Variants in TAFA1 observed in about 807,000 individuals in gnomAD.
TAFA1 encodes the protein TAFA chemokine like family member 1, also known as chemokine-like protein TAFA-1.
A neutral mutation model predicts 18.5 loss-of-function variants in TAFA1; 4 were observed. The ratio of observed to expected loss-of-function variants is 0.22; its 90% CI spans 0.11 to 0.49. The LOEUF (loss-of-function observed/expected upper bound fraction) is 0.49. Ranked by LOEUF, TAFA1 falls within the 20% of genes least tolerant of loss-of-function variation. The pLI is 0.98. For missense variants in TAFA1, 147 were observed against 169.0 expected (o/e 0.87, Z 0.72); for synonymous variants, 56 against 55.2 (o/e 1.01, Z -0.06).
chr3:68,157,580 C>T (rs146361734), intron 2 of TAFA1, among the ~76,000 whole-genome samples: 163 of 152,320 alleles, frequency 1.1e-3, no homozygotes, highest in African/African-American at 3.7e-3. Context: ...ATGGTCTCAT[C>T]TCCCAGGTTT....
chr3:68,207,179 T>A (rs1232363737), intron 2 of TAFA1, among the ~76,000 whole-genome samples: 4 of 151,908 alleles, frequency 2.6e-5, no homozygotes, highest in African/African-American at 9.7e-5. Flanking sequence ...ATGGAGATAC[T>A]GCTTTCTATT....
intron 2 of TAFA1, among the ~76,000 whole-genome samples, chr3:68,241,035 C>T (rs562639494): frequency 2.1e-4 from 32 of 152,262 alleles, no homozygotes; most frequent in African/African-American, 6.7e-4. Context: ...TGGGGAAAAA[C>T]ACCACTATAG....
intron 3 of TAFA1, among the ~76,000 whole-genome samples, chr3:68,472,530 AC>A (rs576170219): frequency 0.019 from 2,957 of 152,000 alleles, 111 homozygotes; most frequent in African/African-American, 0.068. Flanking sequence ...ACACACACAC[AC>A]ACAAATACAC....
intron 2 of TAFA1, among the ~76,000 whole-genome samples, chr3:68,266,519 C>T (rs1410894901): frequency 1.3e-5 from 2 of 152,066 alleles, no homozygotes; most frequent in East Asian, 1.9e-4. Context: ...AACAGAAACT[C>T]GTTTGATCTT....
At position 68,338,971 on chromosome 3, in the gene TAFA1, C is replaced by T. The variant is rs915981884; in HGVS notation, c.119-78309C>T. Among the ~76,000 whole-genome samples, 6 of 152,172 alleles carry T rather than the reference C, an allele frequency of 3.9e-5. No individual in the cohort carries two copies. The South Asian group carries it at 6.2e-4, about 16-fold the overall frequency. On this transcript the variant is annotated intron_variant, in intron 2 of 4. Coordinates refer to ENST00000478136, the MANE Select transcript of TAFA1 (RefSeq NM_213609.4). ...GGGCAGCATCTTCCTAGGGCATAGT[C>T]GTCTCATGGTCAATAACAAGAAGAC...
intron 2 of TAFA1, among the ~76,000 whole-genome samples, chr3:68,381,599 G>C (rs1169863993): frequency 2.0e-5 from 3 of 152,168 alleles, no homozygotes; most frequent in Non-Finnish European, 4.4e-5. Context: ...AAGAATGCTT[G>C]TGATTTTTGT....
chr3:68,138,891 T>C (rs2065638367), intron 2 of TAFA1, among the ~76,000 whole-genome samples: 1 of 152,196 alleles, frequency 6.6e-6, no homozygotes, highest in Non-Finnish European at 1.5e-5. Flanking sequence ...AGAGTTAGGA[T>C]ATGTTTGACA....
At chr3:68,094,728 T>C (rs553116558) in intron 2 of TAFA1, among the ~76,000 whole-genome samples, 1 of 152,144 alleles carries the variant, frequency 6.6e-6, no homozygotes, top group African/African-American at 2.4e-5. Context: ...AAGTGTAAAA[T>C]AGAGATATGG....
intron 2 of TAFA1, among the ~76,000 whole-genome samples, chr3:68,125,450 C>T (rs2065452673): frequency 6.6e-6 from 1 of 152,198 alleles, no homozygotes; most frequent in Non-Finnish European, 1.5e-5. Flanking sequence ...GAAAGTGAAT[C>T]TCACCACCAA....
At chr3:68,111,363 G>A (rs1445664999) in intron 2 of TAFA1, among the ~76,000 whole-genome samples, 7 of 151,824 alleles carry the variant, frequency 4.6e-5, no homozygotes, top group Non-Finnish European at 1.5e-5. Context: ...CAAAAAGGAG[G>A]GCAAAATAAA....
intron 2 of TAFA1, among the ~76,000 whole-genome samples, chr3:68,282,620 A>C (rs74759781): frequency 4.7e-4 from 72 of 152,294 alleles, no homozygotes; most frequent in African/African-American, 1.7e-3. Flanking sequence ...CAATCCAGGG[A>C]GTGTGTTCTG....
At chr3:68,287,839 A>T (rs2107270306) in intron 2 of TAFA1, among the ~76,000 whole-genome samples, 1 of 141,946 alleles carries the variant, frequency 7.0e-6, no homozygotes, top group Non-Finnish European at 1.5e-5. Flanking sequence ...GCCTGGATTG[A>T]AGAACATTTT....
intron 3 of TAFA1, among the ~76,000 whole-genome samples, chr3:68,538,254 T>C (rs2073308837): frequency 6.6e-6 from 1 of 152,250 alleles, no homozygotes; most frequent in Non-Finnish European, 1.5e-5. Flanking sequence ...TCCAGAACAG[T>C]AGCTGATTAT....
intron 2 of TAFA1, among the ~76,000 whole-genome samples, chr3:68,187,576 A>G (rs1157702174): frequency 6.6e-6 from 1 of 152,000 alleles, no homozygotes; most frequent in Non-Finnish European, 1.5e-5. Context: ...ATCCTCTGTA[A>G]TACTGGTTTT....
chr3:68,340,583 G>A (rs149410810), intron 2 of TAFA1, among the ~76,000 whole-genome samples: 6 of 152,178 alleles, frequency 3.9e-5, no homozygotes, highest in African/African-American at 7.2e-5. Flanking sequence ...TGAGTGATGG[G>A]CACATATTCT....
chr3:68,229,060 G>A (rs1057229519), intron 2 of TAFA1, among the ~76,000 whole-genome samples: 2 of 152,116 alleles, frequency 1.3e-5, no homozygotes, highest in Non-Finnish European at 1.5e-5. Context: ...CATCTGGCTC[G>A]ACTTTTAAAA....
intron 2 of TAFA1, among the ~76,000 whole-genome samples, chr3:68,010,166 G>T (rs1704442856): frequency 6.6e-6 from 1 of 152,210 alleles, no homozygotes. Flanking sequence ...AATGGAAGGA[G>T]AGTGAAAGCT....
intron 2 of TAFA1, among the ~76,000 whole-genome samples, chr3:68,169,591 A>G (rs1035681299): frequency 3.3e-5 from 5 of 152,234 alleles, no homozygotes; most frequent in African/African-American, 9.6e-5. Context: ...GAAGTTCATT[A>G]CTCTGCAATA....
At chr3:68,319,339 C>T (rs954562169) in intron 2 of TAFA1, among the ~76,000 whole-genome samples, 9 of 152,166 alleles carry the variant, frequency 5.9e-5, no homozygotes, top group Admixed American at 5.9e-4. Flanking sequence ...TGCCCCCTTC[C>T]TTCATCATTC....
Sources: gnomAD v4.1 joint callset for allele counts (sites outside exome capture counted in the v4.1 genomes callset) on GRCh38, gnomAD v4.1.1 for gene constraint, MANE v1.5 for transcripts, NCBI Gene and HGNC (gene_info 2026-07-23, HGNC 2026-07-21) for gene names.